CDADC1: variants seen among roughly 807,000 people sequenced by gnomAD.
The protein encoded by CDADC1 is dCTP deaminase.
A neutral mutation model predicts 54.9 loss-of-function variants in CDADC1; 39 were observed. That is an observed-to-expected ratio of 0.71 (90% confidence interval 0.55 to 0.93). The LOEUF (loss-of-function observed/expected upper bound fraction) is 0.93, where lower values mean the gene tolerates loss of function less well. Ranked by LOEUF, CDADC1 falls within the 40% of genes least tolerant of loss-of-function variation. CDADC1 has a pLI of 0.00. For missense variants in CDADC1, 518 were observed against 618.8 expected (o/e 0.84, Z 1.73); for synonymous variants, 186 against 204.0 (o/e 0.91, Z 0.75).
chr13:49,264,739 A>G (rs1447823756), intron 4 of CDADC1, among the ~76,000 whole-genome samples: 2 of 151,704 alleles, frequency 1.3e-5, no homozygotes, highest in Non-Finnish European at 2.9e-5. Flanking sequence ...AAAAAAAGGT[A>G]TAGTGATACA....
chr13:49,262,293 A>G (rs1378424055), intron 4 of CDADC1, among the ~76,000 whole-genome samples: 1 of 152,004 alleles, frequency 6.6e-6, no homozygotes, highest in African/African-American at 2.4e-5. Context: ...AAATAGAAAA[A>G]TTAGCTAGGC....
intron 8 of CDADC1, among the ~76,000 whole-genome samples, chr13:49,283,442 C>T (rs563846160): frequency 7.2e-5 from 11 of 152,144 alleles, no homozygotes; most frequent in Admixed American, 2.0e-4. Flanking sequence ...TCTCTACTTC[C>T]GTGTTTTTGT....
At chr13:49,276,677 A>G (rs1010763300) in intron 6 of CDADC1, among the ~76,000 whole-genome samples, 3 of 152,166 alleles carry the variant, frequency 2.0e-5, no homozygotes, top group Admixed American at 1.3e-4. Context: ...GTTAACTCCT[A>G]CTAGAATACT....
chr13:49,250,850 T>C (rs1566349618), intron 2 of CDADC1, among the ~76,000 whole-genome samples: 1 of 152,218 alleles, frequency 6.6e-6, no homozygotes, highest in Non-Finnish European at 1.5e-5. Flanking sequence ...TAAAATATTA[T>C]ACATCGTTAT....
chr13:49,291,904 T>C lies in CDADC1; in HGVS notation c.*147T>C. On this transcript the variant is annotated 3_prime_UTR_variant, in exon 10 of 10. Coordinates refer to ENST00000251108, the MANE Select transcript of CDADC1 (RefSeq NM_030911.4). ...AGCTAATTTATTTCTAGGATACAAA[T>C]GGTGTTAATAAGAATATTTGTCTTT... 7.0e-7 allele frequency: 1 copy of C among 1,419,072 alleles called. No homozygotes were observed. Among genetic ancestry groups the C allele is most frequent in the Non-Finnish European group, 9.2e-7 (1 of 1,085,258 alleles). The allele number at this position is 1,419,072 out of a possible 1,614,324, so 87.9% of individuals were successfully genotyped here. A position where few individuals can be genotyped will look rare whatever the true frequency, so the allele number is the denominator to read the frequency against.
intron 5 of CDADC1, among the ~76,000 whole-genome samples, chr13:49,268,543 T>C (rs1249280701): frequency 6.6e-6 from 1 of 152,068 alleles, no homozygotes; most frequent in Non-Finnish European, 1.5e-5. Flanking sequence ...TGCGTGCCTA[T>C]AGTCCCGGCT....
At chr13:49,275,878 C>T (rs1263171747) in intron 6 of CDADC1, among the ~76,000 whole-genome samples, 1 of 151,346 alleles carries the variant, frequency 6.6e-6, no homozygotes, top group Non-Finnish European at 1.5e-5. Flanking sequence ...AAGCAATTCT[C>T]CTGTCTCAGC....
chr13:49,253,764 C>T (rs191256979), intron 2 of CDADC1, among the ~76,000 whole-genome samples: 5 of 152,152 alleles, frequency 3.3e-5, no homozygotes, highest in Admixed American at 2.6e-4. Flanking sequence ...CCAGACTGGT[C>T]GCTAACTCCT....
intron 4 of CDADC1, 92 bp from the exon 5 acceptor site, chr13:49,267,398 C>A (rs996327919): frequency 1.0e-4 from 105 of 1,034,910 alleles, no homozygotes; most frequent in Middle Eastern, 2.6e-4. Context: ...ATTGAGGGTT[C>A]TAGATATACT....
chr13:49,258,596 G>GTTA (rs1159306264), intron 3 of CDADC1, among the ~76,000 whole-genome samples: 1 of 152,176 alleles, frequency 6.6e-6, no homozygotes, highest in Non-Finnish European at 1.5e-5. Context: ...AGTCTGCAGG[G>GTTA]CTTAATTCAG....
At chr13:49,262,754 C>A (rs756018963) in intron 4 of CDADC1, among the ~76,000 whole-genome samples, 23 of 152,088 alleles carry the variant, frequency 1.5e-4, no homozygotes, top group Non-Finnish European at 2.8e-4. Flanking sequence ...TGATCTCGAA[C>A]TTCTGACTCA....
intron 9 of CDADC1, among the ~76,000 whole-genome samples, chr13:49,287,156 A>T (rs997718421): frequency 4.6e-5 from 7 of 152,234 alleles, no homozygotes; most frequent in Non-Finnish European, 8.8e-5. Context: ...GCGCCACTGC[A>T]CTCCAGCCTG....
In CDADC1 at chr13:49,291,689, G is replaced by A; in HGVS notation, c.1477G>A (p.Val493Met). 1.2e-6 allele frequency: 2 copies of A among 1,613,778 alleles called. No individual in the cohort carries two copies. The highest frequency in any genetic ancestry group is 1.7e-5 in the Admixed American group (1 of 59,894). ...QNEPERRENGVLRPVPQKEEQ... is the reference protein window; with the variant it reads ...QNEPERRENGMLRPVPQKEEQ... ...AGCGTTATTCTCAATGCTAGATGGT[G>A]TGTTGAGACCTGTCCCACAGAAGGA... Residue 493 changes from valine (V) to methionine (M), a missense_variant, in exon 10 of 10, where the codon GTG (valine) becomes ATG (methionine). Val to Met is a conservative substitution (Grantham distance 21). Coordinates refer to ENST00000251108, the MANE Select transcript of CDADC1 (RefSeq NM_030911.4).
chr13:49,285,139 C>A (rs539915074), intron 8 of CDADC1, among the ~76,000 whole-genome samples: 5 of 150,246 alleles, frequency 3.3e-5, no homozygotes, highest in African/African-American at 1.2e-4. Flanking sequence ...GCAAGGTAAT[C>A]TTGGTCATAT....
Position 49,291,781 on chromosome 13 carries a change from G to A in CDADC1, c.*24G>A. The A allele has an allele frequency of 6.3e-7, 1 of 1,598,334 alleles. No individual in the cohort carries two copies. The highest frequency in any genetic ancestry group is 8.5e-7 in the Non-Finnish European group (1 of 1,174,696). On this transcript the variant is annotated 3_prime_UTR_variant, in exon 10 of 10. Transcript: ENST00000251108. Reference sequence around the variant, plus strand: ...AAGAAGGCCTGTCTACACTGCAGGGGAACCTCAAGAACTTTTCATTGCACT... The same window carrying A: ...AAGAAGGCCTGTCTACACTGCAGGGAAACCTCAAGAACTTTTCATTGCACT...
At chr13:49,281,725 G>C (rs1339717291) in intron 8 of CDADC1, among the ~76,000 whole-genome samples, 2 of 152,104 alleles carry the variant, frequency 1.3e-5, no homozygotes, top group Admixed American at 1.3e-4. Context: ...CAAACAAAGG[G>C]AGGTGCACAC....
intron 2 of CDADC1, among the ~76,000 whole-genome samples, chr13:49,253,902 CT>C (rs1952487392): frequency 6.6e-6 from 1 of 152,188 alleles, no homozygotes; most frequent in African/African-American, 2.4e-5. Context: ...CCTCACTGTA[CT>C]TTTCCAGAAC....
In CDADC1 at chr13:49,258,056, C is replaced by G. The variant is rs146691453; in HGVS notation, c.253-1290C>G. Among the ~76,000 whole-genome samples the G allele has an allele frequency of 3.1e-3, 477 of 152,238 alleles. 2 individuals are homozygous for G. The highest frequency in any genetic ancestry group is 0.01 in the African/African-American group (432 of 41,544). ...GATTTTTGTATTCCTTTATAAATGT[C>G]CTTCTAGTTTAGGAGATGGTTGGTT... is the stretch of plus-strand genomic sequence containing the variant. On this transcript the variant is annotated intron_variant, in intron 3 of 9. Coordinates refer to ENST00000251108, the MANE Select transcript of CDADC1 (RefSeq NM_030911.4).
At chr13:49,248,990 C>T in intron 2 of CDADC1, 25 bp downstream of exon 2, 1 of 1,470,308 alleles carries the variant, frequency 6.8e-7, no homozygotes, top group Non-Finnish European at 9.5e-7. Flanking sequence ...ATAGTTTTTC[C>T]CCTTAGAAAA....
Sources: gnomAD v4.1 joint callset for allele counts (sites outside exome capture counted in the v4.1 genomes callset) on GRCh38, gnomAD v4.1.1 for gene constraint, MANE v1.5 for transcripts, NCBI Gene and HGNC (gene_info 2026-07-23, HGNC 2026-07-21) for gene names.